Variants in ZCCHC17 observed in about 807,000 individuals in gnomAD.
ZCCHC17 encodes the protein zinc finger CCHC-type containing 17.
In ZCCHC17, 18 loss-of-function variants were observed where a neutral mutation model predicts 30.6. The observed-to-expected ratio is 0.59, with a 90% CI of 0.41 to 0.87. ZCCHC17 has a LOEUF of 0.87. ZCCHC17 is among the 40% of genes least tolerant of loss of function. The probability of loss-of-function intolerance (pLI) is 0.00; values close to 1 mark genes in which losing one functional copy is unlikely to be tolerated. For missense variants in ZCCHC17, 263 were observed against 284.2 expected, an observed-to-expected ratio of 0.93 and a Z score of 0.54; for synonymous variants, 88 against 92.4, an observed-to-expected ratio of 0.95 and a Z score of 0.27.
chr1:31,303,475 T>C (rs1465690370), intron 1 of ZCCHC17, among the ~76,000 whole-genome samples: 1 of 152,154 alleles, frequency 6.6e-6, no homozygotes, highest in Non-Finnish European at 1.5e-5. Context: ...CCAAACAAGC[T>C]GGAAAATGAT....
intron 2 of ZCCHC17, among the ~76,000 whole-genome samples, chr1:31,311,488 A>AT (rs2148416379): frequency 6.6e-6 from 1 of 152,304 alleles, no homozygotes; most frequent in South Asian, 2.1e-4. Flanking sequence ...AATACCTGAG[A>AT]TTGGGTAATT....
intron 2 of ZCCHC17, among the ~76,000 whole-genome samples, chr1:31,313,791 C>G (rs1038302689): frequency 6.6e-6 from 1 of 152,130 alleles, no homozygotes; most frequent in African/African-American, 2.4e-5. Flanking sequence ...ACTCTGCCCT[C>G]CACAGAATAA....
chr1:31,325,336 T>C (rs1291444071), intron 3 of ZCCHC17, among the ~76,000 whole-genome samples: 5 of 152,224 alleles, frequency 3.3e-5, no homozygotes, highest in African/African-American at 1.2e-4. Flanking sequence ...TTGGGACCCG[T>C]TGAATGGCGG....
rs140039051 is a variant in ZCCHC17 at position 31,337,208 on chromosome 1, G to A, written c.158G>A (p.Arg53Gln). 135 of 1,613,968 alleles carry A rather than the reference G, an allele frequency of 8.4e-5. No homozygotes were observed. The Admixed American group carries it at 2.1e-3, about 26-fold the overall frequency. The part of the protein sequence containing the change: ...LVHRTHMSSC[R>Q]VDKPSEIVDV... ...CATCGAACTCATATGTCATCCTGTC[G>A]GGTGGATAAGCCCTCTGAGATAGTA... is the stretch of plus-strand genomic sequence containing the variant. Residue 53 changes from arginine (R) to glutamine (Q), a missense_variant, in exon 4 of 8, where the codon CGG (arginine) becomes CAG (glutamine). Transcript: ENST00000344147.
intron 1 of ZCCHC17, among the ~76,000 whole-genome samples, chr1:31,304,794 A>T (rs191855799): frequency 6.6e-6 from 1 of 151,456 alleles, no homozygotes; most frequent in East Asian, 2.0e-4. Context: ...ATGGAGTTTC[A>T]CTGTGTTAGC....
At chr1:31,309,292 G>T (rs1008786839) in intron 1 of ZCCHC17, among the ~76,000 whole-genome samples, 1 of 152,030 alleles carries the variant, frequency 6.6e-6, no homozygotes, top group Non-Finnish European at 1.5e-5. Context: ...AATAGTAATA[G>T]AACTTACATT....
intron 7 of ZCCHC17, among the ~76,000 whole-genome samples, chr1:31,349,650 A>C (rs1231784986): frequency 6.6e-6 from 1 of 152,186 alleles, no homozygotes; most frequent in Non-Finnish European, 1.5e-5. Flanking sequence ...TCTAGGTAAT[A>C]ATAAATACAG....
At chr1:31,328,188 A>C in intron 3 of ZCCHC17, among the ~76,000 whole-genome samples, 1 of 152,172 alleles carries the variant, frequency 6.6e-6, no homozygotes, top group East Asian at 1.9e-4. Context: ...TTATGTTATT[A>C]TTGTTAATCT....
At chr1:31,302,160 G>A (rs1285796501) in intron 1 of ZCCHC17, among the ~76,000 whole-genome samples, 1 of 152,152 alleles carries the variant, frequency 6.6e-6, no homozygotes, top group Non-Finnish European at 1.5e-5. Context: ...CCCGGGAAGT[G>A]GAGGTTGCAG....
intron 3 of ZCCHC17, among the ~76,000 whole-genome samples, chr1:31,321,546 C>T (rs1646861619): frequency 6.6e-6 from 1 of 152,202 alleles, no homozygotes; most frequent in African/African-American, 2.4e-5. Context: ...GCAATCTTGG[C>T]TCACTGCAAC....
At chr1:31,306,649 C>T (rs965305725) in intron 1 of ZCCHC17, among the ~76,000 whole-genome samples, 12 of 151,988 alleles carry the variant, frequency 7.9e-5, no homozygotes, top group African/African-American at 2.9e-4. Context: ...TGTTATATTT[C>T]AGGCTTTCCC....
intron 4 of ZCCHC17, among the ~76,000 whole-genome samples, chr1:31,338,154 T>A (rs1322273120): frequency 9.5e-5 from 14 of 148,144 alleles, no homozygotes; most frequent in South Asian, 4.3e-4. Context: ...TTTTTTTTTT[T>A]AATTTTTTTG....
intron 7 of ZCCHC17, among the ~76,000 whole-genome samples, chr1:31,353,614 G>C (rs888346897): frequency 3.9e-5 from 6 of 151,992 alleles, no homozygotes; most frequent in Non-Finnish European, 7.4e-5. Flanking sequence ...GAGTTTTGTA[G>C]CTTTAGCTCT....
chr1:31,335,358 A>T (rs1177169328), intron 3 of ZCCHC17, among the ~76,000 whole-genome samples: 3 of 152,210 alleles, frequency 2.0e-5, no homozygotes, highest in Non-Finnish European at 4.4e-5. Flanking sequence ...TAAGTGTTTT[A>T]TTAAATGTTA....
In ZCCHC17 at chr1:31,310,147, A is replaced by G. The variant is rs1646564821; in HGVS notation, c.49A>G (p.Thr17Ala). 3 of 1,614,160 alleles carry G rather than the reference A, an allele frequency of 1.9e-6. No individual in the cohort carries two copies. The highest frequency in any genetic ancestry group is 2.5e-6 in the Non-Finnish European group (3 of 1,180,012). The change falls in exon 2 of 8, where the codon ACT becomes GCT. Residue 17 changes from threonine (T) to alanine (A), a missense_variant. Transcript: ENST00000344147. ...CATGGAAAACTTGCCTGCTCTCTACACTATTTTCCAAGGAGAGGTATATTC... is the reference window on the plus strand; with the variant it reads ...CATGGAAAACTTGCCTGCTCTCTACGCTATTTTCCAAGGAGAGGTATATTC... ...ETMENLPALY[T>A]IFQGEVAMVT...
At chr1:31,363,981 T>C (rs775717895) in intron 7 of ZCCHC17, 51 bp from the exon 8 acceptor site, 6 of 1,590,678 alleles carry the variant, frequency 3.8e-6, no homozygotes, top group Non-Finnish European at 5.1e-6. Context: ...GCTATGATTG[T>C]TAAAAGCAAA....
rs79589243 is a variant in ZCCHC17 at position 31,349,134 on chromosome 1, A to G, written c.564+160A>G. Among the ~76,000 whole-genome samples the G allele has an allele frequency of 7.7e-3, 1,169 of 152,250 alleles. 12 individuals are homozygous for G. The highest frequency in any genetic ancestry group is 0.026 in the African/African-American group (1,094 of 41,530). The stretch of plus-strand genomic sequence containing the variant: ...CAGAAGTTTAAGGCTGCGGTGCGCT[A>G]TGATTATGCCTGTGAATAGCCACTG... On this transcript the variant is annotated intron_variant, in intron 7 of 7. Transcript: ENST00000344147.
intron 3 of ZCCHC17, among the ~76,000 whole-genome samples, chr1:31,334,626 T>A (rs1046231210): frequency 1.3e-5 from 2 of 152,196 alleles, no homozygotes; most frequent in African/African-American, 4.8e-5. Flanking sequence ...TTCTAATTTT[T>A]AAAATGTTTT....
rs115033202 is a variant in ZCCHC17, at chr1:31,310,688, T to C, written c.66+524T>C. 7.2e-3 allele frequency among the ~76,000 whole-genome samples: 1,096 copies of C among 152,374 alleles called. 13 individuals are homozygous for C. Among genetic ancestry groups the C allele is most frequent in the African/African-American group, 0.025 (1,024 of 41,600 alleles). The stretch of plus-strand genomic sequence containing the variant: ...TTGGACTTTCCAACCTCCAGAACTA[T>C]GAGCCAAATAAATTTCATTTCTTTA... On this transcript the variant is annotated intron_variant, in intron 2 of 7. Coordinates refer to ENST00000344147, the MANE Select transcript of ZCCHC17 (RefSeq NM_016505.4).
Sources: gnomAD v4.1 joint callset for allele counts (sites outside exome capture counted in the v4.1 genomes callset) on GRCh38, gnomAD v4.1.1 for gene constraint, MANE v1.5 for transcripts, NCBI Gene and HGNC (gene_info 2026-07-23, HGNC 2026-07-21) for gene names.